RPL9: variants seen among roughly 807,000 people sequenced by gnomAD.
RPL9 encodes ribosomal protein L9.
For missense variants in RPL9, 149 were observed against 236.7 expected (o/e 0.63, Z 2.43); for synonymous variants, 82 against 77.1 (o/e 1.06, Z -0.33).
At chr4:39,456,375 TTCTTAA>T (rs1289891682) in intron 5 of RPL9, 25 bp downstream of exon 5, 1 of 1,613,504 alleles carries the variant, frequency 6.2e-7, no homozygotes, top group East Asian at 2.2e-5. Context: ...AAGGAAAAAT[TTCTTAA>T]TTCTGTCTGA....
rs901128031 is a variant in RPL9 at position 39,458,154 on chromosome 4, T to A, written c.162+40A>T. On this transcript the variant is annotated intron_variant, in intron 3 of 7. Coordinates refer to ENST00000295955, the MANE Select transcript of RPL9 (RefSeq NM_000661.5). ...AAATGTGATGCTGTTATAAACCACC[T>A]TCCAACGAGCAACTGAATTATCAGA... 3 of 1,600,578 alleles carry A rather than the reference T, an allele frequency of 1.9e-6. No individual in the cohort carries two copies. The African/African-American group carries it at 4.0e-5, about 21-fold the overall frequency.
At chr4:39,456,833 T>C (rs902335496) in intron 4 of RPL9, 3 of 309,686 alleles carry the variant, frequency 9.7e-6, no homozygotes, top group Admixed American at 9.4e-5. Flanking sequence ...ATTTACTGAG[T>C]TACTAAGGTA....
At position 39,455,382 on chromosome 4, in the gene RPL9, T is replaced by C. The variant is rs188101245; in HGVS notation, c.392-438A>G. On this transcript the variant is annotated intron_variant, in intron 5 of 7. Coordinates refer to ENST00000295955, the MANE Select transcript of RPL9 (RefSeq NM_000661.5). ...ATTATTTTGATACTAAGAATCTCCCTTCTTCCCACCCCTCCCCACCCCAAT... is the reference window on the plus strand; with the variant it reads ...ATTATTTTGATACTAAGAATCTCCCCTCTTCCCACCCCTCCCCACCCCAAT... 355 of 156,538 alleles carry C rather than the reference T, an allele frequency of 2.3e-3. 1 individual carries two copies. The highest frequency in any genetic ancestry group is 4.0e-3 in the Non-Finnish European group (281 of 71,068). 9.7% of individuals were successfully genotyped at this position (156,538 alleles called of 1,614,324 possible). A position where few individuals can be genotyped will look rare whatever the true frequency, so the allele number is the denominator to read the frequency against.
intron 5 of RPL9, 128 bp downstream of exon 5, chr4:39,456,278 A>G: frequency 1.0e-6 from 1 of 997,130 alleles, no homozygotes; most frequent in Non-Finnish European, 1.6e-6. Context: ...TAATTCTAAA[A>G]CAAATCTGGT....
chr4:39,454,784 AAAAT>A, intron 6 of RPL9, 76 bp downstream of exon 6: 1 of 1,505,602 alleles, frequency 6.6e-7, no homozygotes, highest in Non-Finnish European at 9.0e-7. Context: ...TAATCAAATA[AAAAT>A]TAGCAAAATA....
At chr4:39,457,450 A>G (rs1293089580) in intron 4 of RPL9, 136 bp downstream of exon 4, 8 of 719,638 alleles carry the variant, frequency 1.1e-5, no homozygotes, top group South Asian at 5.2e-5. Context: ...ACAGATGCCT[A>G]TTTTTGCCAA....
chr4:39,454,408 A>C, intron 7 of RPL9, 125 bp downstream of exon 7: 1 of 703,106 alleles, frequency 1.4e-6, no homozygotes, highest in Non-Finnish European at 2.4e-6. Flanking sequence ...TGTCAAATTT[A>C]CTGTGTTCCA....
chr4:39,458,257 G>T lies in RPL9; in HGVS notation c.99C>A (p.Thr33=), dbSNP rs1243815091. The T allele has an allele frequency of 1.2e-6, 2 of 1,614,088 alleles. No individual in the cohort carries two copies. The highest frequency in any genetic ancestry group is 4.5e-5 in the East Asian group (2 of 44,890). Residue 33 remains threonine (T), a synonymous_variant, in exon 3 of 8, where the codon ACC becomes ACA. Coordinates refer to ENST00000295955, the MANE Select transcript of RPL9 (RefSeq NM_000661.5). Reference sequence around the variant, plus strand: ...TGATGTGATTGAAGTCCCTCCGCAGGGTTCCTCTGGGGCCCTTCACGATAA... The same window carrying T: ...TGATGTGATTGAAGTCCCTCCGCAGTGTTCCTCTGGGGCCCTTCACGATAA... ...RTVIVKGPRG[T]LRRDFNHINV...
rs1744090813 is a variant in RPL9 at position 39,456,464 on chromosome 4, A to C, written c.333T>G (p.Leu111=). The C allele has an allele frequency of 6.2e-7, 1 of 1,614,042 alleles. No homozygotes were observed. The highest frequency in any genetic ancestry group is 1.3e-5 in the African/African-American group (1 of 74,932). The change falls in exon 5 of 8, where the codon CTT becomes CTG. Residue 111 remains leucine (L), a synonymous_variant. Transcript: ENST00000295955. ...CACCCAAGAAATTTCGGATTTCAAC[A>C]AGAGACCCATTCTCCTGGATAACAA... ...INVVIQENGS[L]VEIRNFLGEK... is the part of the protein sequence containing the mutation.
At chr4:39,455,040 C>T (rs1380532470) in intron 5 of RPL9, 96 bp from the exon 6 acceptor site, 1 of 1,219,894 alleles carries the variant, frequency 8.2e-7, no homozygotes, top group East Asian at 2.5e-5. Flanking sequence ...ACTCCATGCA[C>T]CAAAAGAACC....
At chr4:39,458,808 A>T in intron 1 of RPL9, 83 bp downstream of exon 1, 1 of 687,316 alleles carries the variant, frequency 1.5e-6, no homozygotes, top group East Asian at 2.8e-5. Context: ...CAAGGTTCCG[A>T]GAGTGGGAGC....
At chr4:39,456,639 T>C in intron 4 of RPL9, 101 bp from the exon 5 acceptor site, 2 of 1,278,904 alleles carry the variant, frequency 1.6e-6, no homozygotes, top group South Asian at 1.5e-5. Flanking sequence ...AACGTAACAC[T>C]CACTGCCAAG....
In RPL9 at chr4:39,454,237, G is replaced by GA. The variant is rs1171844931; in HGVS notation, c.*11-13dup. 2.5e-5 allele frequency: 5 copies of GA among 201,838 alleles called. No individual in the cohort carries two copies. The highest frequency in any genetic ancestry group is 3.0e-5 in the Non-Finnish European group (3 of 100,180). 12.5% of individuals were successfully genotyped at this position (201,838 alleles called of 1,614,324 possible). A position where few individuals can be genotyped will look rare whatever the true frequency, so the allele number is the denominator to read the frequency against. On this transcript the variant is annotated splice_polypyrimidine_tract_variant and intron_variant, in intron 7 of 7. Coordinates refer to ENST00000295955, the MANE Select transcript of RPL9 (RefSeq NM_000661.5). ...CTGTAGCCAGGTAACTGTAAAAAAAGAAAAAAAATCTGTAAATCCCCATCA... is the reference window on the plus strand; with the variant it reads ...CTGTAGCCAGGTAACTGTAAAAAAAGAAAAAAAAATCTGTAAATCCCCATCA...
At chr4:39,457,497 A>G in intron 4 of RPL9, 89 bp downstream of exon 4, 1 of 1,114,432 alleles carries the variant, frequency 9.0e-7, no homozygotes, top group South Asian at 1.3e-5. Flanking sequence ...TACATGACCC[A>G]TTCTCTGAAA....
chr4:39,457,083 C>G (rs1578224515), intron 4 of RPL9: 1 of 159,048 alleles, frequency 6.3e-6, no homozygotes, highest in Non-Finnish European at 1.4e-5. Context: ...ATTATGGCAG[C>G]AGACAGAAAA....
rs530106845 is a variant in RPL9, at chr4:39,457,862, A to G, written c.163-181T>C. ...AGTTAAGCTTTGTAGAAGTTGCAAC[A>G]AACTTCCCTTCTGGAAAATTAAATC... On this transcript the variant is annotated intron_variant, in intron 3 of 7. Transcript: ENST00000295955. 409 of 639,450 alleles carry G rather than the reference A, an allele frequency of 6.4e-4. 1 individual carries two copies. Among genetic ancestry groups the G allele is most frequent in the Non-Finnish European group, 8.9e-4 (327 of 366,642 alleles). The allele number at this position is 639,450 out of a possible 1,614,324, so 39.6% of individuals were successfully genotyped here. A position where few individuals can be genotyped will look rare whatever the true frequency, so the allele number is the denominator to read the frequency against.
chr4:39,458,490 C>T (rs558546790), intron 1 of RPL9, 50 bp from the exon 2 acceptor site: 1 of 1,587,182 alleles, frequency 6.3e-7, no homozygotes, highest in Admixed American at 1.7e-5. Flanking sequence ...CGTTTTTCCA[C>T]CAAACTACGC....
intron 1 of RPL9, 108 bp downstream of exon 1, chr4:39,458,783 G>A (rs1171539157): frequency 2.9e-6 from 2 of 682,262 alleles, no homozygotes; most frequent in Admixed American, 2.0e-5. Context: ...TTGCCGAGCT[G>A]GGGGACAAAC....
rs140856391 is a variant in RPL9 at position 39,454,456 on chromosome 4, A to G, written c.*10+77T>C. 2.0e-3 allele frequency: 2,107 copies of G among 1,061,334 alleles called. 44 individuals carry two copies. The East Asian group carries it at 0.043, about 22-fold the overall frequency. 65.7% of individuals were successfully genotyped at this position (1,061,334 alleles called of 1,614,324 possible). A position where few individuals can be genotyped will look rare whatever the true frequency, so the allele number is the denominator to read the frequency against. Reference sequence around the variant, plus strand: ...CTCCATTTTCTATTACTACAAATTCAGTTTAAGTCTTTTAGTAAATTAAGA... The same window carrying G: ...CTCCATTTTCTATTACTACAAATTCGGTTTAAGTCTTTTAGTAAATTAAGA... On this transcript the variant is annotated intron_variant, in intron 7 of 7. Transcript: ENST00000295955.
Sources: gnomAD v4.1 joint callset for allele counts on GRCh38, gnomAD v4.1.1 for gene constraint, MANE v1.5 for transcripts, NCBI Gene and HGNC (gene_info 2026-07-23, HGNC 2026-07-21) for gene names.